The following SEMA3D variants were observed in gnomAD, a reference collection of about 807,000 sequenced individuals.
The protein encoded by SEMA3D is semaphorin 3D.
Under a neutral mutation model 100.1 loss-of-function variants are expected in SEMA3D, and 84 were observed. That is an observed-to-expected ratio of 0.84 (90% CI 0.70 to 1.01). The LOEUF (loss-of-function observed/expected upper bound fraction) is 1.01. SEMA3D is among the 50% of genes least tolerant of loss of function. SEMA3D has a pLI of 0.00. For synonymous variants in SEMA3D, 312 were observed against 320.7 expected (o/e 0.97, Z 0.29); for missense variants, 875 against 934.1 (o/e 0.94, Z 0.82).
chr7:85,098,042 A>C (rs1788620602), intron 3 of SEMA3D, 77 bp from the exon 4 acceptor site: 1 of 744,508 alleles, frequency 1.3e-6, no homozygotes, highest in African/African-American at 1.8e-5. Context: ...GAGAAAGAAG[A>C]AAGAAAAAGA....
At chr7:85,166,110 C>T (rs1790897435) in intron 1 of SEMA3D, among the ~76,000 whole-genome samples, 1 of 151,960 alleles carries the variant, frequency 6.6e-6, no homozygotes, top group African/African-American at 2.4e-5. Context: ...TGGAATGATA[C>T]TGTTCTTACT....
At chr7:85,019,278 T>A (rs765771801) in intron 14 of SEMA3D, among the ~76,000 whole-genome samples, 1 of 151,802 alleles carries the variant, frequency 6.6e-6, no homozygotes, top group Non-Finnish European at 1.5e-5. Flanking sequence ...AATGTGCTTA[T>A]GTGTGTTATA....
the SEMA3D span, among the ~76,000 whole-genome samples, chr7:85,197,026 A>C: frequency 3.4e-5 from 4 of 115,980 alleles, no homozygotes; most frequent in Non-Finnish European, 6.8e-5. Flanking sequence ...TTTTAATTTA[A>C]TCCTGTATAT....
intron 2 of SEMA3D, among the ~76,000 whole-genome samples, chr7:85,137,043 A>T (rs1443918661): frequency 2.6e-5 from 4 of 152,086 alleles, no homozygotes; most frequent in Non-Finnish European, 5.9e-5. Context: ...AATATTTTTT[A>T]AATGATTAAC....
At chr7:85,195,482 T>C in the SEMA3D span, among the ~76,000 whole-genome samples, 1 of 152,076 alleles carries the variant, frequency 6.6e-6, no homozygotes, top group South Asian at 2.1e-4. Flanking sequence ...TGAGTCGCTC[T>C]CTCATCCAGG....
chr7:85,151,610 T>C, intron 2 of SEMA3D: 1 of 955,774 alleles, frequency 1.0e-6, no homozygotes, highest in Non-Finnish European at 1.2e-6. Context: ...TGTGTGTGTG[T>C]GTGTGTGTGT....
chr7:85,106,528 T>C (rs1417199383), intron 3 of SEMA3D, among the ~76,000 whole-genome samples: 2 of 152,246 alleles, frequency 1.3e-5, no homozygotes, highest in Middle Eastern at 3.4e-3. Flanking sequence ...TATTGTTTTA[T>C]AAAATTAATT....
intron 4 of SEMA3D, among the ~76,000 whole-genome samples, chr7:85,084,501 G>A (rs566342863): frequency 6.6e-6 from 1 of 151,546 alleles, no homozygotes; most frequent in Non-Finnish European, 1.5e-5. Context: ...TCCATAACCT[G>A]TCAATTGATT....
At chr7:85,014,481 G>C (rs1267344009) in intron 16 of SEMA3D, among the ~76,000 whole-genome samples, 3 of 151,672 alleles carry the variant, frequency 2.0e-5, no homozygotes. Flanking sequence ...GGAATTGTTG[G>C]CTCAAAATAG....
At position 85,070,636 on chromosome 7, in the gene SEMA3D, C is replaced by T. The variant is rs1791745479; in HGVS notation, c.495+2326G>A. Among the ~76,000 whole-genome samples, 2 of 152,186 alleles carry T rather than the reference C, an allele frequency of 1.3e-5. 1 individual carries two copies. Among genetic ancestry groups the T allele is most frequent in the African/African-American group, 4.8e-5 (2 of 41,444 alleles). On this transcript the variant is annotated intron_variant, in intron 6 of 18. Transcript: ENST00000284136. Reference sequence around the variant, plus strand: ...TACAATTACCTGTACGCCAGACCAGCTAAAAACTCAAGGTTCAATGCCCCT... The same window carrying T: ...TACAATTACCTGTACGCCAGACCAGTTAAAAACTCAAGGTTCAATGCCCCT...
chr7:85,127,344 C>A (rs1789595752), intron 2 of SEMA3D, among the ~76,000 whole-genome samples: 1 of 152,038 alleles, frequency 6.6e-6, no homozygotes, highest in Non-Finnish European at 1.5e-5. Context: ...AGTTTATAAT[C>A]CCTGTTCAAC....
At chr7:85,001,162 T>C (rs984725508) in intron 18 of SEMA3D, among the ~76,000 whole-genome samples, 2 of 152,140 alleles carry the variant, frequency 1.3e-5, no homozygotes, top group African/African-American at 4.8e-5. Context: ...GCCAGAGAAG[T>C]GCAGCTGGCG....
the SEMA3D span, among the ~76,000 whole-genome samples, chr7:85,237,566 T>C: frequency 2.0e-5 from 3 of 152,218 alleles, no homozygotes. Flanking sequence ...TTATTTCATT[T>C]AGTAAAAGGC....
rs1053932449 is a variant in SEMA3D at position 85,177,053 on chromosome 7, T to A, written c.-173+9625A>T. Among the ~76,000 whole-genome samples the A allele has an allele frequency of 2.6e-5, 4 of 152,118 alleles. No individual in the cohort carries two copies. The South Asian group carries it at 8.3e-4, about 31-fold the overall frequency. Reference sequence around the variant, plus strand: ...CCTAGGAGCAATAGGCTATACCATCTAGGTTTGCGTAGGTTCATTCTATGA... The same window carrying A: ...CCTAGGAGCAATAGGCTATACCATCAAGGTTTGCGTAGGTTCATTCTATGA... On this transcript the variant is annotated intron_variant, in intron 1 of 18. Coordinates refer to ENST00000284136, the MANE Select transcript of SEMA3D (RefSeq NM_001384900.1).
chr7:84,999,826 G>A lies in SEMA3D; in HGVS notation c.1948C>T (p.Leu650=). 2 of 1,613,836 alleles carry A rather than the reference G, an allele frequency of 1.2e-6. No homozygotes were observed. Among genetic ancestry groups the A allele is most frequent in the Non-Finnish European group, 1.7e-6 (2 of 1,179,902 alleles). ...TTCTTCTGCAAACTTCGAATCAGTAGCCCATATTCCGTTTTGATGATTCTT... is the reference window on the plus strand; with the variant it reads ...TTCTTCTGCAAACTTCGAATCAGTAACCCATATTCCGTTTTGATGATTCTT... ...DERIIKTEYG[L]LIRSLQKKDS... is the part of the protein sequence containing the mutation. Residue 650 remains leucine, a synonymous_variant, in exon 19 of 19, where the codon CTA becomes TTA. Coordinates refer to ENST00000284136, the MANE Select transcript of SEMA3D (RefSeq NM_001384900.1).
chr7:85,202,849 A>T, the SEMA3D span, among the ~76,000 whole-genome samples: 2 of 152,062 alleles, frequency 1.3e-5, no homozygotes, highest in Non-Finnish European at 2.9e-5. Context: ...CAATTGCACT[A>T]AGTTGTTTTT....
In SEMA3D at chr7:85,055,879, C is replaced by T; in HGVS notation, c.719-20G>A. On this transcript the variant is annotated intron_variant, in intron 8 of 18. Transcript: ENST00000284136. ...TTGCTCCTGTTTGAAAGAAAAGAAG[C>T]TATAAATTAAGATACTGAAACAATC... 1 of 1,426,414 alleles carries T rather than the reference C, an allele frequency of 7.0e-7. No individual in the cohort carries two copies. The highest frequency in any genetic ancestry group is 9.6e-7 in the Non-Finnish European group (1 of 1,038,404). The allele number at this position is 1,426,414 out of a possible 1,614,324, so 88.4% of individuals were successfully genotyped here.
chr7:85,200,839 C>T, the SEMA3D span, among the ~76,000 whole-genome samples: 3 of 152,144 alleles, frequency 2.0e-5, no homozygotes, highest in African/African-American at 7.2e-5. Flanking sequence ...CTGTGTGCAG[C>T]CTAGGGACTT....
chr7:85,166,008 C>A (rs550163830), intron 1 of SEMA3D, among the ~76,000 whole-genome samples: 3 of 151,802 alleles, frequency 2.0e-5, no homozygotes, highest in Non-Finnish European at 4.4e-5. Flanking sequence ...GTATATAATG[C>A]GCTTCATCAA....
Sources: gnomAD v4.1 joint callset for allele counts (sites outside exome capture counted in the v4.1 genomes callset) on GRCh38, gnomAD v4.1.1 for gene constraint, MANE v1.5 for transcripts, NCBI Gene and HGNC (gene_info 2026-07-23, HGNC 2026-07-21) for gene names.